Variants in PAPLN observed in about 807,000 individuals in gnomAD.
PAPLN encodes the protein papilin, proteoglycan like sulfated glycoprotein, also known as papilin.
In PAPLN, 146 loss-of-function variants were observed where a neutral mutation model predicts 159.0. That is an observed-to-expected ratio of 0.92 (90% CI 0.80 to 1.05). PAPLN has a LOEUF of 1.05. Among genes scored for constraint, PAPLN ranks in the 50% least tolerant of loss-of-function variants. PAPLN has a pLI of 0.00. For missense variants in PAPLN, 1,720 were observed against 1,743.9 expected, an observed-to-expected ratio of 0.99 and a Z score of 0.24; for synonymous variants, 734 against 702.9, an observed-to-expected ratio of 1.04 and a Z score of -0.70.
chr14:73,262,428 C>A lies in PAPLN; in HGVS notation c.2324C>A (p.Ser775Tyr). Residue 775 changes from serine (S) to tyrosine (Y), a missense_variant, in exon 19 of 27, where the codon TCT (serine) becomes TAT (tyrosine). Coordinates refer to ENST00000644200, the MANE Select transcript of PAPLN (RefSeq NM_001365906.3). ...GCTGCCCGCTGGTACTTCGTTGCCT[C>A]TGTGGGCCAATGTAACCGCTTCTGG... ...DWAARWYFVASVGQCNRFWYG... is the reference protein window; with the variant it reads ...DWAARWYFVAYVGQCNRFWYG... The A allele has an allele frequency of 6.2e-7, 1 of 1,613,976 alleles. No homozygotes were observed. Among genetic ancestry groups the A allele is most frequent in the Non-Finnish European group, 8.5e-7 (1 of 1,179,916 alleles).
rs373980152 is a variant in PAPLN at position 73,240,511 on chromosome 14, C to T, written c.54+679C>T. On this transcript the variant is annotated intron_variant, in intron 2 of 26. Transcript: ENST00000644200. ...AGGCCGGAGTGTACTGGCATGATTTCGGCTCACTGTAACCTCCACCTCCTG... is the reference window on the plus strand; with the variant it reads ...AGGCCGGAGTGTACTGGCATGATTTTGGCTCACTGTAACCTCCACCTCCTG... Among the ~76,000 whole-genome samples the T allele has an allele frequency of 2.8e-4, 42 of 152,126 alleles. 1 individual carries two copies. The highest frequency in any genetic ancestry group is 8.7e-4 in the African/African-American group (36 of 41,498).
rs149967580 is a variant in PAPLN, at chr14:73,254,919, A to T, written c.1528A>T (p.Ile510Phe). ...CSSGTRRRQV[I>F]CAIGPPSHCG... is the part of the protein sequence containing the mutation. ...CTCGGGCACTCGGAGGCGACAGGTCATCTGTGCCATTGGGCCGCCCAGCCA... is the reference window on the plus strand; with the variant it reads ...CTCGGGCACTCGGAGGCGACAGGTCTTCTGTGCCATTGGGCCGCCCAGCCA... Residue 510 changes from isoleucine to phenylalanine, a missense_variant, in exon 14 of 27, where the codon ATC becomes TTC. Transcript: ENST00000644200. 3 of 1,613,304 alleles carry T rather than the reference A, an allele frequency of 1.9e-6. No individual in the cohort carries two copies. The highest frequency in any genetic ancestry group is 2.2e-5 in the South Asian group (2 of 91,074).
intron 2 of PAPLN, among the ~76,000 whole-genome samples, chr14:73,241,356 G>A (rs774509514): frequency 5.2e-4 from 79 of 152,336 alleles, no homozygotes; most frequent in Non-Finnish European, 7.1e-4. Context: ...GAGGGGGCAC[G>A]AGGACAGCGT....
rs556610831 is a variant in PAPLN at position 73,245,124 on chromosome 14, C to T, written c.170+365C>T. 28 of 211,556 alleles carry T rather than the reference C, an allele frequency of 1.3e-4. No homozygotes were observed. The South Asian group carries it at 2.2e-3, about 17-fold the overall frequency. 13.1% of individuals were successfully genotyped at this position (211,556 alleles called of 1,614,324 possible). On this transcript the variant is annotated intron_variant, in intron 3 of 26. Coordinates refer to ENST00000644200, the MANE Select transcript of PAPLN (RefSeq NM_001365906.3). This position sits in a 1 kb window ranked among gnomAD's most constrained non-coding sequence, Gnocchi z 4.2. ...GAGTACAGATGTTCCCCACTTCAAGCGATTTATTAAATGCTTGCTGTGTGT... is the reference window on the plus strand; with the variant it reads ...GAGTACAGATGTTCCCCACTTCAAGTGATTTATTAAATGCTTGCTGTGTGT...
chr14:73,264,634 T>G lies in PAPLN; in HGVS notation c.3033T>G (p.Pro1011=). 1 of 1,603,402 alleles carries G rather than the reference T, an allele frequency of 6.2e-7. No homozygotes were observed. The change falls in exon 22 of 27, where the codon CCT becomes CCG. Residue 1011 remains proline (P), a synonymous_variant. Coordinates refer to ENST00000644200, the MANE Select transcript of PAPLN (RefSeq NM_001365906.3). ...VLSEAELSRF[P]QPRDPAQDFG... is the part of the protein sequence containing the mutation. ...CTGAGGCTGAGCTGAGCCGCTTCCC[T>G]CAGCCCAGGGACCCAGCTCAGGACT...
At chr14:73,264,770 C>T in intron 22 of PAPLN, 44 bp downstream of exon 22, 1 of 1,609,010 alleles carries the variant, frequency 6.2e-7, no homozygotes, top group Non-Finnish European at 8.5e-7. Context: ...CACGCCAGGG[C>T]CAGGGCCGGG....
intron 4 of PAPLN, 33 bp from the exon 5 acceptor site, chr14:73,246,040 C>T: frequency 4.0e-6 from 6 of 1,512,752 alleles, no homozygotes; most frequent in Admixed American, 2.1e-5. Flanking sequence ...GGACTCCGCC[C>T]TCCTGGATCC....
chr14:73,272,331 TAG>T (rs1269955808), intron 26 of PAPLN, 162 bp from the exon 27 acceptor site: 4 of 563,490 alleles, frequency 7.1e-6, no homozygotes, highest in East Asian at 2.9e-5. Flanking sequence ...TCATCCCTCA[TAG>T]AGTTTGTACG....
intron 2 of PAPLN, among the ~76,000 whole-genome samples, chr14:73,242,309 G>A (rs1317999223): frequency 6.6e-6 from 1 of 152,202 alleles, no homozygotes; most frequent in Non-Finnish European, 1.5e-5. Context: ...TATCCTGATG[G>A]CCAGGCTGTG....
Position 73,245,708 on chromosome 14 carries a change from G to C in PAPLN, c.231+12G>C. The C allele has an allele frequency of 1.9e-6, 3 of 1,542,502 alleles. No homozygotes were observed. Among genetic ancestry groups the C allele is most frequent in the South Asian group, 2.4e-5 (2 of 84,222 alleles). On this transcript the variant is annotated intron_variant, in intron 4 of 26. Transcript: ENST00000644200. This position sits in a 1 kb window ranked among gnomAD's most constrained non-coding sequence, Gnocchi z 4.2. ...CTTGTCGCACGGAGGTAAAGCTCAC[G>C]GGGCGCGGGCGAAGGCACCAGCTTC... is the stretch of plus-strand genomic sequence containing the variant.
intron 14 of PAPLN, among the ~76,000 whole-genome samples, chr14:73,257,702 C>G (rs183066794): frequency 6.6e-6 from 1 of 150,958 alleles, no homozygotes; most frequent in East Asian, 2.0e-4. Flanking sequence ...ATCTCAATCC[C>G]ACAACTAGTA....
intron 19 of PAPLN, 74 bp downstream of exon 19, chr14:73,262,901 T>C: frequency 7.8e-7 from 1 of 1,287,438 alleles, no homozygotes; most frequent in Non-Finnish European, 1.0e-6. Context: ...GCTAAACCCC[T>C]GAAGTCAGCC....
intron 2 of PAPLN, 101 bp downstream of exon 2, chr14:73,239,933 CA>C: frequency 6.9e-7 from 1 of 1,456,006 alleles, no homozygotes; most frequent in Non-Finnish European, 9.0e-7. Flanking sequence ...GGGGCGATGT[CA>C]GGGAAGCTGG....
chr14:73,271,370 TAAAC>T, intron 26 of PAPLN, among the ~76,000 whole-genome samples: 1 of 152,056 alleles, frequency 6.6e-6, no homozygotes, highest in South Asian at 2.1e-4. Context: ...ATTTTGTGAG[TAAAC>T]AAGGGGAGAG....
chr14:73,248,100 T>C (rs1487405859), intron 5 of PAPLN, among the ~76,000 whole-genome samples: 2 of 120,930 alleles, frequency 1.7e-5, no homozygotes, highest in East Asian at 5.6e-4. Flanking sequence ...TGTGTGTGTG[T>C]GTGTGTGCGC....
intron 26 of PAPLN, chr14:73,272,100 C>T (rs1048652666): frequency 6.3e-6 from 1 of 158,656 alleles, no homozygotes; most frequent in Non-Finnish European, 1.4e-5. Context: ...CAAAATTTTA[C>T]TTGGGGCTGA....
At chr14:73,239,735 G>A (rs1312000731) in intron 1 of PAPLN, 38 bp from the exon 2 acceptor site, 6 of 1,542,450 alleles carry the variant, frequency 3.9e-6, no homozygotes, top group Middle Eastern at 1.8e-4. Flanking sequence ...ACAGCTGCGG[G>A]AGCCCCGGGC....
chr14:73,251,219 T>C (rs1885215728), intron 7 of PAPLN, among the ~76,000 whole-genome samples, 189 bp downstream of exon 7: 1 of 152,082 alleles, frequency 6.6e-6, no homozygotes, highest in Non-Finnish European at 1.5e-5. Context: ...GCTCGTGCAG[T>C]CCCATCTCCT....
Position 73,245,426 on chromosome 14 carries a change from G to A in PAPLN, c.171-210G>A. The A allele has an allele frequency of 1.7e-6, 1 of 582,918 alleles. No individual in the cohort carries two copies. Among genetic ancestry groups the A allele is most frequent in the South Asian group, 2.0e-5 (1 of 48,850 alleles). The allele number at this position is 582,918 out of a possible 1,614,324, so 36.1% of individuals were successfully genotyped here. ...CCGCCTTAAATCCAAACTATAGGGT[G>A]GGTAGGGCTCTGAGTCCCGCTTCTC... On this transcript the variant is annotated intron_variant, in intron 3 of 26. Transcript: ENST00000644200. This position sits in a 1 kb window ranked among gnomAD's most constrained non-coding sequence, Gnocchi z 4.2.
Sources: allele counts gnomAD v4.1 joint callset (sites outside exome capture counted in the v4.1 genomes callset), GRCh38; gene constraint gnomAD v4.1.1; non-coding constraint Gnocchi (gnomAD v3.1); transcripts MANE v1.5; gene names NCBI Gene and HGNC (gene_info 2026-07-23, HGNC 2026-07-21).